The following ARMH3 variants were observed in gnomAD, a reference collection of about 807,000 sequenced individuals.
ARMH3 encodes the protein armadillo like helical domain containing 3.
ARMH3 carries 60 observed loss-of-function variants against 99.1 expected under a neutral mutation model. That is an observed-to-expected ratio of 0.61 (90% CI 0.49 to 0.75). The LOEUF (loss-of-function observed/expected upper bound fraction) is 0.75, where lower values mean the gene tolerates loss of function less well. ARMH3 is among the 30% of genes least tolerant of loss of function. The probability of loss-of-function intolerance (pLI) is 0.00; values close to 1 mark genes in which losing one functional copy is unlikely to be tolerated. For synonymous variants in ARMH3, 285 were observed against 292.8 expected (o/e 0.97, Z 0.27); for missense variants, 679 against 843.1 (o/e 0.81, Z 2.41).
intron 1 of ARMH3, among the ~76,000 whole-genome samples, chr10:102,055,649 T>C (rs2067828151): frequency 1.3e-5 from 2 of 152,136 alleles, no homozygotes; most frequent in Non-Finnish European, 2.9e-5. Context: ...ACCTGAAGAC[T>C]TCGCACAAAC....
intron 20 of ARMH3, among the ~76,000 whole-genome samples, chr10:101,959,411 G>A (rs995299463): frequency 4.6e-5 from 7 of 152,170 alleles, no homozygotes; most frequent in African/African-American, 1.4e-4. Context: ...TCATAGAGGC[G>A]AGAGAAAGGG....
In ARMH3 at chr10:101,985,072, TATATATAC is replaced by T. The variant is rs773838483; in HGVS notation, c.1406+5471_1406+5478del. ...AACAGAAAGAGACTCCATCTAAAAA[TATATATAC>T]ACACACACACACACACACACACACA... On this transcript the variant is annotated intron_variant, in intron 19 of 25. Coordinates refer to ENST00000370033, the MANE Select transcript of ARMH3 (RefSeq NM_024541.3). Among the ~76,000 whole-genome samples the T allele has an allele frequency of 2.3e-3, 312 of 134,866 alleles. 1 individual carries two copies. The highest frequency in any genetic ancestry group is 3.9e-3 in the Non-Finnish European group (249 of 64,118). 88.5% of individuals were successfully genotyped at this position (134,866 alleles called of 152,430 possible).
At chr10:101,906,552 G>A (rs968349313) in intron 23 of ARMH3, among the ~76,000 whole-genome samples, 2 of 152,214 alleles carry the variant, frequency 1.3e-5, no homozygotes, top group Non-Finnish European at 2.9e-5. Flanking sequence ...GAATTTACTT[G>A]AGAGATATTT....
intron 14 of ARMH3, among the ~76,000 whole-genome samples, chr10:102,002,344 G>A (rs1182471531): frequency 6.6e-6 from 1 of 151,946 alleles, no homozygotes; most frequent in Non-Finnish European, 1.5e-5. Flanking sequence ...TCCTGGGAAG[G>A]GTATGTTGAT....
chr10:101,864,235 G>A (rs2066946581), intron 24 of ARMH3, among the ~76,000 whole-genome samples: 1 of 152,068 alleles, frequency 6.6e-6, no homozygotes, highest in Non-Finnish European at 1.5e-5. Flanking sequence ...TCATTAAAAA[G>A]TCAGGAAACA....
chr10:101,975,698 T>C (rs1845964627), intron 19 of ARMH3, among the ~76,000 whole-genome samples: 1 of 151,326 alleles, frequency 6.6e-6, no homozygotes, highest in Non-Finnish European at 1.5e-5. Flanking sequence ...ACCCCATCTC[T>C]ACTAAAAATA....
At chr10:101,908,313 G>C (rs1434232137) in intron 23 of ARMH3, among the ~76,000 whole-genome samples, 1 of 152,096 alleles carries the variant, frequency 6.6e-6, no homozygotes, top group Non-Finnish European at 1.5e-5. Context: ...CAGTTAAAAT[G>C]ACTTACTTTT....
At chr10:101,975,066 A>C in intron 20 of ARMH3, 146 bp downstream of exon 20, 1 of 409,498 alleles carries the variant, frequency 2.4e-6, no homozygotes, top group South Asian at 4.0e-5. Context: ...AAAAAAAAAA[A>C]AAAAAAAAGA....
chr10:101,917,121 T>C (rs545087811), intron 23 of ARMH3, among the ~76,000 whole-genome samples: 1 of 152,320 alleles, frequency 6.6e-6, no homozygotes, highest in African/African-American at 2.4e-5. Flanking sequence ...TTGGTCTGTT[T>C]TCTGAAAAAC....
intron 23 of ARMH3, among the ~76,000 whole-genome samples, chr10:101,925,463 T>C (rs999158167): frequency 1.3e-5 from 2 of 152,192 alleles, no homozygotes; most frequent in Non-Finnish European, 2.9e-5. Context: ...AGAGAAAGAA[T>C]GTTCAGCAGT....
intron 23 of ARMH3, among the ~76,000 whole-genome samples, chr10:101,903,456 G>T (rs1322231177): frequency 6.6e-6 from 1 of 152,218 alleles, no homozygotes; most frequent in African/African-American, 2.4e-5. Flanking sequence ...GGCTAAGGCA[G>T]ACAAAGAGTA....
chr10:101,923,284 T>C (rs1843373762), intron 23 of ARMH3, among the ~76,000 whole-genome samples: 2 of 152,232 alleles, frequency 1.3e-5, no homozygotes, highest in African/African-American at 2.4e-5. Flanking sequence ...ACTATATTTA[T>C]AATTAGGCTG....
intron 20 of ARMH3, among the ~76,000 whole-genome samples, chr10:101,958,895 G>A (rs1174478613): frequency 1.3e-5 from 2 of 152,098 alleles, no homozygotes; most frequent in Non-Finnish European, 2.9e-5. Context: ...TCCTTTAAAA[G>A]CACAGGTACA....
chr10:101,858,520 A>G (rs2066786131), intron 24 of ARMH3, among the ~76,000 whole-genome samples: 1 of 152,178 alleles, frequency 6.6e-6, no homozygotes, highest in Non-Finnish European at 1.5e-5. Flanking sequence ...CCCTATGAAT[A>G]ACTATTTTTT....
intron 19 of ARMH3, among the ~76,000 whole-genome samples, chr10:101,988,311 T>C (rs1018713966): frequency 1.3e-5 from 2 of 152,190 alleles, no homozygotes; most frequent in Non-Finnish European, 1.5e-5. Flanking sequence ...ACTACAGTAA[T>C]ACGTGTTACA....
chr10:101,927,981 C>T (rs1008435718), intron 23 of ARMH3, among the ~76,000 whole-genome samples: 6 of 152,028 alleles, frequency 3.9e-5, no homozygotes, highest in Non-Finnish European at 7.4e-5. Flanking sequence ...GGCTGAGGCA[C>T]GAGAATCACT....
At chr10:101,970,542 C>G (rs1048303883) in intron 20 of ARMH3, among the ~76,000 whole-genome samples, 2 of 152,170 alleles carry the variant, frequency 1.3e-5, no homozygotes, top group Non-Finnish European at 2.9e-5. Context: ...GCTAAGTAGG[C>G]CGGGTGCTGT....
At chr10:101,891,486 C>T (rs972131794) in intron 23 of ARMH3, among the ~76,000 whole-genome samples, 7 of 152,162 alleles carry the variant, frequency 4.6e-5, no homozygotes, top group Admixed American at 2.0e-4. Context: ...TGTGAGCCAC[C>T]GTGCCCAGCC....
At chr10:102,024,953 C>T (rs920342905) in intron 6 of ARMH3, among the ~76,000 whole-genome samples, 30 of 152,154 alleles carry the variant, frequency 2.0e-4, no homozygotes, top group Non-Finnish European at 1.6e-4. Flanking sequence ...ACATAGCCTG[C>T]AGGCCAAAAA....
Sources: gnomAD v4.1 joint callset for allele counts (sites outside exome capture counted in the v4.1 genomes callset) on GRCh38, gnomAD v4.1.1 for gene constraint, MANE v1.5 for transcripts, NCBI Gene and HGNC (gene_info 2026-07-23, HGNC 2026-07-21) for gene names.